IL19: variants seen among roughly 807,000 people sequenced by gnomAD.
IL19 encodes interleukin 19.
Under a neutral mutation model 19.5 loss-of-function variants are expected in IL19, and 15 were observed. The ratio of observed to expected loss-of-function variants is 0.77; its 90% CI spans 0.52 to 1.19. IL19 has a LOEUF of 1.19. Among genes scored for constraint, IL19 ranks in the 50% most tolerant of loss-of-function variants. The probability of loss-of-function intolerance (pLI) is 0.00; values close to 1 mark genes in which losing one functional copy is unlikely to be tolerated. For missense variants in IL19, 199 were observed against 213.1 expected (o/e 0.93, Z 0.41); for synonymous variants, 78 against 78.3 (o/e 1.00, Z 0.02).
chr1:206,771,383 TAAC>T (rs1473801814), intron 1 of IL19: 3 of 1,613,508 alleles, frequency 1.9e-6, no homozygotes, highest in Admixed American at 1.7e-5. Context: ...AGGACTCCTT[TAAC>T]AACAAGTTGT....
At chr1:206,795,895 T>C (rs1191329870) in intron 1 of IL19, among the ~76,000 whole-genome samples, 1 of 151,600 alleles carries the variant, frequency 6.6e-6, no homozygotes, top group East Asian at 1.9e-4. Context: ...ATGAGGATTT[T>C]CCAGAGAAAC....
intron 1 of IL19, among the ~76,000 whole-genome samples, chr1:206,785,031 G>A (rs184268448): frequency 7.1e-4 from 108 of 152,290 alleles, no homozygotes; most frequent in Non-Finnish European, 1.3e-3. Context: ...CAGCTGCTAC[G>A]GGCTTTGAAG....
At chr1:206,817,857 G>A (rs890880814) in intron 2 of IL19, among the ~76,000 whole-genome samples, 2 of 151,846 alleles carry the variant, frequency 1.3e-5, no homozygotes, top group Admixed American at 6.6e-5. Context: ...TCTGCCTTCT[G>A]GGTTCAAGCG....
intron 1 of IL19, among the ~76,000 whole-genome samples, chr1:206,772,763 T>A (rs1360278155): frequency 6.6e-6 from 1 of 152,226 alleles, no homozygotes; most frequent in Admixed American, 6.5e-5. Context: ...AAAAGTTGAT[T>A]TCCTGGGGAG....
chr1:206,771,199 G>T, intron 1 of IL19, 121 bp downstream of exon 1: 1 of 1,185,276 alleles, frequency 8.4e-7, no homozygotes, highest in South Asian at 1.2e-5. Flanking sequence ...TGAGCCCTTT[G>T]TAAACCCTCT....
chr1:206,776,834 G>T lies in IL19; in HGVS notation c.-149+5756G>T, dbSNP rs191112744. 1.1e-4 allele frequency among the ~76,000 whole-genome samples: 17 copies of T among 148,688 alleles called. 1 individual carries two copies. Among genetic ancestry groups the T allele is most frequent in the African/African-American group, 4.0e-4 (16 of 40,020 alleles). On this transcript the variant is annotated intron_variant, in intron 1 of 6. Transcript: ENST00000659997. Reference sequence around the variant, plus strand: ...GGACATAAACCCGGGCATCCAAGCCGGCAATGGCTACCCTCTTTGGGTCCC... The same window carrying T: ...GGACATAAACCCGGGCATCCAAGCCTGCAATGGCTACCCTCTTTGGGTCCC...
chr1:206,821,892 T>G (rs534528736), intron 2 of IL19, among the ~76,000 whole-genome samples: 1 of 152,236 alleles, frequency 6.6e-6, no homozygotes, highest in Non-Finnish European at 1.5e-5. Context: ...GGGTTTGGTC[T>G]GCACCTTAAT....
At chr1:206,772,379 G>T in intron 1 of IL19, 6 of 1,614,102 alleles carry the variant, frequency 3.7e-6, no homozygotes, top group Non-Finnish European at 5.1e-6. Flanking sequence ...CCTGGCCTGG[G>T]CTGGCCCTCA....
intron 2 of IL19, among the ~76,000 whole-genome samples, chr1:206,804,518 A>G (rs765841751): frequency 4.6e-5 from 7 of 152,234 alleles, no homozygotes; most frequent in Non-Finnish European, 1.0e-4. Flanking sequence ...TAGGGTGTAT[A>G]AAGTGTGCAT....
chr1:206,824,832 G>A (rs1045905368), intron 2 of IL19, among the ~76,000 whole-genome samples: 2 of 152,112 alleles, frequency 1.3e-5, no homozygotes, highest in Non-Finnish European at 2.9e-5. Flanking sequence ...GCACGATCTC[G>A]GCTCACTGCA....
chr1:206,797,495 C>T (rs1268570368), intron 1 of IL19, among the ~76,000 whole-genome samples: 1 of 151,930 alleles, frequency 6.6e-6, no homozygotes, highest in South Asian at 2.1e-4. Flanking sequence ...TATCCTGAGC[C>T]CTTTACTGTT....
chr1:206,833,174 C>G (rs1485406615), intron 2 of IL19, among the ~76,000 whole-genome samples: 1 of 152,234 alleles, frequency 6.6e-6, no homozygotes, highest in African/African-American at 2.4e-5. Context: ...AGGCAACATC[C>G]TATTTTATAA....
chr1:206,780,761 T>G (rs1271447145), intron 1 of IL19, among the ~76,000 whole-genome samples: 2 of 152,236 alleles, frequency 1.3e-5, no homozygotes. Context: ...GATCAGTACC[T>G]AATTCCTTTA....
chr1:206,775,993 C>T (rs1674980832), intron 1 of IL19, among the ~76,000 whole-genome samples: 2 of 152,164 alleles, frequency 1.3e-5, no homozygotes, highest in African/African-American at 4.8e-5. Flanking sequence ...GGCATCTAAT[C>T]AATGCTTATT....
chr1:206,804,444 A>G (rs11119595), intron 2 of IL19, among the ~76,000 whole-genome samples: 3,080 of 152,292 alleles, frequency 0.02, 101 homozygotes, highest in African/African-American at 0.07. Flanking sequence ...AATAACCCCC[A>G]GGTTGAGTGC....
At chr1:206,821,350 C>G (rs1676285475) in intron 2 of IL19, among the ~76,000 whole-genome samples, 1 of 152,204 alleles carries the variant, frequency 6.6e-6, no homozygotes, top group African/African-American at 2.4e-5. Context: ...GTCCATAAAG[C>G]ATTTGGAGCA....
chr1:206,825,355 G>C (rs572625263), intron 2 of IL19, among the ~76,000 whole-genome samples: 1 of 152,242 alleles, frequency 6.6e-6, no homozygotes, highest in Admixed American at 6.5e-5. Context: ...GAGTCAAAAT[G>C]ATTGAATTGC....
chr1:206,840,124 C>A (rs577198139), intron 5 of IL19, 122 bp downstream of exon 5: 1 of 1,105,122 alleles, frequency 9.0e-7, no homozygotes, highest in Non-Finnish European at 1.4e-6. Flanking sequence ...TCTCTGCGCA[C>A]GTCCACAGGG....
At chr1:206,819,621 G>A (rs181960756) in intron 2 of IL19, among the ~76,000 whole-genome samples, 12 of 152,032 alleles carry the variant, frequency 7.9e-5, no homozygotes, top group Non-Finnish European at 1.5e-5. Flanking sequence ...GTTGCAATAG[G>A]CACATTCCAA....
Sources: allele counts gnomAD v4.1 joint callset (sites outside exome capture counted in the v4.1 genomes callset), GRCh38; gene constraint gnomAD v4.1.1; transcripts MANE v1.5; gene names NCBI Gene and HGNC (gene_info 2026-07-23, HGNC 2026-07-21).